The following TGM1 variants were observed in gnomAD, a reference collection of about 807,000 sequenced individuals.
The protein encoded by TGM1 is protein-glutamine gamma-glutamyltransferase K.
A neutral mutation model predicts 88.7 loss-of-function variants in TGM1; 63 were observed. The ratio of observed to expected loss-of-function variants is 0.71; its 90% CI spans 0.58 to 0.88. The LOEUF is 0.88. TGM1 is among the 40% of genes least tolerant of loss of function. The pLI is 0.00. For synonymous variants in TGM1, 415 were observed against 431.1 expected, an observed-to-expected ratio of 0.96 and a Z score of 0.46; for missense variants, 996 against 1,118.0, an observed-to-expected ratio of 0.89 and a Z score of 1.56.
In TGM1 at chr14:24,260,373, C is replaced by T. The variant is rs554868557; in HGVS notation, c.757+77G>A. On this transcript the variant is annotated intron_variant, in intron 4 of 14. Coordinates refer to ENST00000206765, the MANE Select transcript of TGM1 (RefSeq NM_000359.3). Reference sequence around the variant, plus strand: ...CCTGGGGTCAGGCACCTAGGCACCCCGCCACATCCGAGGGCAGGAAGCCCT... The same window carrying T: ...CCTGGGGTCAGGCACCTAGGCACCCTGCCACATCCGAGGGCAGGAAGCCCT... 3.7e-5 allele frequency: 59 copies of T among 1,595,416 alleles called. No homozygotes were observed. In the Middle Eastern group the frequency reaches 5.0e-4, roughly 13 times the overall value.
rs1375749099 is a variant in TGM1 at position 24,258,209 on chromosome 14, A to C, written c.1402+76T>G. ...GCTTGGCTCTCCGGCCCGGCCCAGC[A>C]CTGACACTCTGGACTGTGTTAATCA... On this transcript the variant is annotated intron_variant, in intron 9 of 14. Coordinates refer to ENST00000206765, the MANE Select transcript of TGM1 (RefSeq NM_000359.3). 3.8e-6 allele frequency: 5 copies of C among 1,313,150 alleles called. No homozygotes were observed. In the African/African-American group the frequency reaches 5.8e-5, roughly 15 times the overall value. 81.3% of individuals were successfully genotyped at this position (1,313,150 alleles called of 1,614,324 possible). A position where few individuals can be genotyped will look rare whatever the true frequency, so the allele number is the denominator to read the frequency against.
In TGM1 at chr14:24,249,298, G is replaced by C; in HGVS notation, c.*15C>G. On this transcript the variant is annotated 3_prime_UTR_variant, in exon 15 of 15. Coordinates refer to ENST00000206765, the MANE Select transcript of TGM1 (RefSeq NM_000359.3). ...TTGCTCATCTGACTCCAGTCCCATT[G>C]CTCCTGGCACGGGGCTAAGCTCCAC... The C allele has an allele frequency of 6.2e-7, 1 of 1,609,266 alleles. No homozygotes were observed. The highest frequency in any genetic ancestry group is 8.5e-7 in the Non-Finnish European group (1 of 1,177,220).
Position 24,259,584 on chromosome 14 carries a change from A to G in TGM1, c.984+120T>C, listed in dbSNP as rs1182741438. 2.3e-6 allele frequency: 2 copies of G among 858,304 alleles called. No homozygotes were observed. Among genetic ancestry groups the G allele is most frequent in the Non-Finnish European group, 3.8e-6 (2 of 527,122 alleles). 53.2% of individuals were successfully genotyped at this position (858,304 alleles called of 1,614,324 possible). A position where few individuals can be genotyped will look rare whatever the true frequency, so the allele number is the denominator to read the frequency against. The stretch of plus-strand genomic sequence containing the variant: ...GAGACCCCTTCCTGAAGTATCCTTT[A>G]CGAGGGCAGGGACAGGGCTGGGGGT... On this transcript the variant is annotated intron_variant, in intron 6 of 14. Coordinates refer to ENST00000206765, the MANE Select transcript of TGM1 (RefSeq NM_000359.3). This position sits in a 1 kb window ranked among gnomAD's most constrained non-coding sequence, Gnocchi z 5.7.
chr14:24,252,975 G>A (rs2040714075), intron 14 of TGM1, among the ~76,000 whole-genome samples: 1 of 152,220 alleles, frequency 6.6e-6, no homozygotes, highest in Non-Finnish European at 1.5e-5. Context: ...CAGCATGTGT[G>A]TGCCCTCACT....
At chr14:24,254,638 C>G in intron 13 of TGM1, 26 bp downstream of exon 13, 1 of 1,613,532 alleles carries the variant, frequency 6.2e-7, no homozygotes, top group Non-Finnish European at 8.5e-7. Context: ...CTGACCACCC[C>G]TCATGCCCCA....
rs777260700 is a variant in TGM1, at chr14:24,258,269, G to A, written c.1402+16C>T. 6 of 1,597,004 alleles carry A rather than the reference G, an allele frequency of 3.8e-6. No individual in the cohort carries two copies. The East Asian group carries it at 1.1e-4, about 30-fold the overall frequency. The stretch of plus-strand genomic sequence containing the variant: ...GATAAGCAGGGGCATGGTGGGGAGT[G>A]GGGGGCCCAGCTTACCACTGCTAGT... On this transcript the variant is annotated intron_variant, in intron 9 of 14. Coordinates refer to ENST00000206765, the MANE Select transcript of TGM1 (RefSeq NM_000359.3).
At position 24,249,448 on chromosome 14, in the gene TGM1, T is replaced by C. The variant is rs754401329; in HGVS notation, c.2319A>G (p.Pro773=). 4 of 1,613,988 alleles carry C rather than the reference T, an allele frequency of 2.5e-6. No homozygotes were observed. Among genetic ancestry groups the C allele is most frequent in the East Asian group, 2.2e-5 (1 of 44,860 alleles). The part of the protein sequence containing the change: ...PRQLIASLDS[P]QLSQVHGVIQ... ...TGACACCGTGCACCTGGGAGAGCTG[T>C]GGGCTGTCCAAGCTGGCAATGAGCT... The change falls in exon 15 of 15, where the codon CCA becomes CCG. Residue 773 remains proline (P), a synonymous_variant. Coordinates refer to ENST00000206765, the MANE Select transcript of TGM1 (RefSeq NM_000359.3).
At chr14:24,252,228 C>A (rs2040706962) in intron 14 of TGM1, among the ~76,000 whole-genome samples, 1 of 152,192 alleles carries the variant, frequency 6.6e-6, no homozygotes, top group Non-Finnish European at 1.5e-5. Flanking sequence ...CTGGTCTGGG[C>A]TCACAGCAGC....
intron 7 of TGM1, 149 bp from the exon 8 acceptor site, chr14:24,258,822 G>C (rs2040780669): frequency 1.6e-6 from 2 of 1,277,196 alleles, no homozygotes; most frequent in African/African-American, 1.5e-5. Flanking sequence ...CAAGGCCTTT[G>C]GGCTACAGAG....
rs1204596952 is a variant in TGM1 at position 24,255,902 on chromosome 14, G to A, written c.1491+87C>T. On this transcript the variant is annotated intron_variant, in intron 10 of 14. Transcript: ENST00000206765. This position sits in a 1 kb window ranked among gnomAD's most constrained non-coding sequence, Gnocchi z 4.0. The stretch of plus-strand genomic sequence containing the variant: ...TTGTATAATGAGTGACTTGCCCCGG[G>A]TCGCAGAGCTGGTCAGTCAGCGGTG... 4.4e-6 allele frequency: 5 copies of A among 1,137,476 alleles called. No homozygotes were observed. The Admixed American group carries it at 9.9e-5, about 23-fold the overall frequency. The allele number at this position is 1,137,476 out of a possible 1,614,324, so 70.5% of individuals were successfully genotyped here. A position where few individuals can be genotyped will look rare whatever the true frequency, so the allele number is the denominator to read the frequency against.
Position 24,262,494 on chromosome 14 carries a change from A to AT in TGM1, c.-2-141dup, listed in dbSNP as rs958423017. The AT allele has an allele frequency of 2.6e-5, 24 of 915,466 alleles. No homozygotes were observed. In the African/African-American group the frequency reaches 3.4e-4, roughly 13 times the overall value. The allele number at this position is 915,466 out of a possible 1,614,324, so 56.7% of individuals were successfully genotyped here. On this transcript the variant is annotated intron_variant, in intron 1 of 14. Transcript: ENST00000206765. ...CTTGGCCCAGAGATTCTCCAGACAC[A>AT]TCCAGAGACCTTCCGCGAAGACCAT...
At chr14:24,260,219 G>T in intron 4 of TGM1, 161 bp from the exon 5 acceptor site, 1 of 933,850 alleles carries the variant, frequency 1.1e-6, no homozygotes, top group Non-Finnish European at 1.7e-6. Flanking sequence ...CATGACAGAT[G>T]GTGGAGGAGA....
Position 24,249,369 on chromosome 14 carries a change from C to T in TGM1, c.2398G>A (p.Gly800Arg), listed in dbSNP as rs760908374. 6 of 1,614,098 alleles carry T rather than the reference C, an allele frequency of 3.7e-6. No individual in the cohort carries two copies. Among genetic ancestry groups the T allele is most frequent in the Non-Finnish European group, 5.1e-6 (6 of 1,180,028 alleles). ...GTCTCTCCTAAGTGACTGTCACCTC[C>T]AGCGTCTGAGAAGAAGCCCCCATCC... ...PGDGGFFSDA[G>R]GDSHLGETIP... Residue 800 changes from glycine to arginine, a missense_variant, in exon 15 of 15, where the codon GGA becomes AGA. Coordinates refer to ENST00000206765, the MANE Select transcript of TGM1 (RefSeq NM_000359.3).
rs750572581 is a variant in TGM1, at chr14:24,261,663, C to G, written c.508+32G>C. 6 of 1,613,490 alleles carry G rather than the reference C, an allele frequency of 3.7e-6. No individual in the cohort carries two copies. In the South Asian group the frequency reaches 4.4e-5, roughly 12 times the overall value. ...CAGCCTCTCCCCACCAAACATAGGG[C>G]CTTCACCCGTCCCAATCCAAGCCCC... is the stretch of plus-strand genomic sequence containing the variant. On this transcript the variant is annotated intron_variant, in intron 3 of 14. Transcript: ENST00000206765.
At position 24,259,772 on chromosome 14, in the gene TGM1, C is replaced by T. The variant is rs1278612481; in HGVS notation, c.916G>A (p.Asp306Asn). The T allele has an allele frequency of 6.2e-7, 1 of 1,613,264 alleles. No individual in the cohort carries two copies. Among genetic ancestry groups the T allele is most frequent in the Non-Finnish European group, 8.5e-7 (1 of 1,179,894 alleles). ...CCTCCATATGGCATCCCCCGCCGGTCCAGGATGTATAAGCAGGCATCCAGC... is the reference window on the plus strand; with the variant it reads ...CCTCCATATGGCATCCCCCGCCGGTTCAGGATGTATAAGCAGGCATCCAGC... ...GVLDACLYIL[D>N]RRGMPYGGRG... The change falls in exon 6 of 15, where the codon GAC (aspartate) becomes AAC (asparagine). Residue 306 changes from aspartate to asparagine, a missense_variant. Coordinates refer to ENST00000206765, the MANE Select transcript of TGM1 (RefSeq NM_000359.3). This position sits in a 1 kb window ranked among gnomAD's most constrained non-coding sequence, Gnocchi z 5.7.
At chr14:24,262,645 T>C (rs1435308352) in intron 1 of TGM1, among the ~76,000 whole-genome samples, 1 of 152,200 alleles carries the variant, frequency 6.6e-6, no homozygotes, top group Non-Finnish European at 1.5e-5. Context: ...GAAATCCACA[T>C]AGTTCCCTGC....
chr14:24,249,495 G>A lies in TGM1; in HGVS notation c.2272C>T (p.Pro758Ser), dbSNP rs780477427. ...ETVTLRQSFV[P>S]VRPGPRQLIA... ...AGCTGGCGGGGGCCTGGTCGCACAG[G>A]CACAAACGACTGGCGCAGTGTCACT... Residue 758 changes from proline (P) to serine (S), a missense_variant, in exon 15 of 15, where the codon CCT (proline) becomes TCT (serine). Coordinates refer to ENST00000206765, the MANE Select transcript of TGM1 (RefSeq NM_000359.3). The A allele has an allele frequency of 1.2e-6, 2 of 1,614,118 alleles. No homozygotes were observed. The highest frequency in any genetic ancestry group is 1.7e-6 in the Non-Finnish European group (2 of 1,180,018).
At chr14:24,253,887 A>G (rs1030239260) in intron 14 of TGM1, among the ~76,000 whole-genome samples, 2 of 152,234 alleles carry the variant, frequency 1.3e-5, no homozygotes, top group African/African-American at 4.8e-5. Flanking sequence ...TGAGTTACTA[A>G]TGATTCCTAT....
chr14:24,259,247 C>T lies in TGM1; in HGVS notation c.987G>A (p.Val329=), dbSNP rs2040784165. Residue 329 remains valine (V), a splice_region_variant and synonymous_variant, in exon 7 of 15, where the codon GTG becomes GTA. Coordinates refer to ENST00000206765, the MANE Select transcript of TGM1 (RefSeq NM_000359.3). The surrounding 1 kb of genome is among the most constrained non-coding windows in gnomAD (Gnocchi z 5.7). ...GGACTCCATTGTCATCCAGGGAGTTCACCTGCCCAGGACAGGATGAGATAG... is the reference window on the plus strand; with the variant it reads ...GGACTCCATTGTCATCCAGGGAGTTTACCTGCCCAGGACAGGATGAGATAG... ...VNVSRVISAM[V]NSLDDNGVLI... 1.2e-6 allele frequency: 2 copies of T among 1,611,808 alleles called. No individual in the cohort carries two copies. Among genetic ancestry groups the T allele is most frequent in the Non-Finnish European group, 1.7e-6 (2 of 1,179,010 alleles).
Sources: gnomAD v4.1 joint callset for allele counts (sites outside exome capture counted in the v4.1 genomes callset) on GRCh38, gnomAD v4.1.1 for gene constraint, Gnocchi (gnomAD v3.1) non-coding constraint, MANE v1.5 for transcripts, NCBI Gene and HGNC (gene_info 2026-07-23, HGNC 2026-07-21) for gene names.